Variants in SORCS1 observed in about 807,000 individuals in gnomAD.
The protein encoded by SORCS1 is VPS10 domain-containing receptor SorCS1.
In SORCS1, 60 loss-of-function variants were observed where a neutral mutation model predicts 146.1. That is an observed-to-expected ratio of 0.41 (90% CI 0.33 to 0.51). The LOEUF is 0.51. Among genes scored for constraint, SORCS1 ranks in the 20% least tolerant of loss-of-function variants. The pLI is 0.21. For synonymous variants in SORCS1, 637 were observed against 584.0 expected (o/e 1.09, Z -1.31); for missense variants, 1,352 against 1,487.6 (o/e 0.91, Z 1.50).
chr10:107,053,232 C>T (rs1302628044), intron 1 of SORCS1, among the ~76,000 whole-genome samples: 2 of 152,272 alleles, frequency 1.3e-5, no homozygotes, highest in East Asian at 3.9e-4. Flanking sequence ...ATGCATTAGT[C>T]TCTCCAAATA....
At chr10:106,726,739 C>A (rs1336619061) in intron 6 of SORCS1, among the ~76,000 whole-genome samples, 1 of 152,142 alleles carries the variant, frequency 6.6e-6, no homozygotes, top group Non-Finnish European at 1.5e-5. Flanking sequence ...CTTTGCTACT[C>A]AAAGCATGTT....
At chr10:106,612,909 G>A (rs748884321) in intron 21 of SORCS1, among the ~76,000 whole-genome samples, 16 of 152,002 alleles carry the variant, frequency 1.1e-4, no homozygotes, top group East Asian at 1.9e-4. Context: ...TGCCTAGAAC[G>A]CCCCATTCTC....
At chr10:106,747,974 T>G (rs1462776468) in intron 5 of SORCS1, among the ~76,000 whole-genome samples, 1 of 152,232 alleles carries the variant, frequency 6.6e-6, no homozygotes, top group Non-Finnish European at 1.5e-5. Flanking sequence ...TCATCTGTCC[T>G]ACATTTTTCA....
chr10:106,953,855 C>T (rs778670740), intron 2 of SORCS1, among the ~76,000 whole-genome samples: 21 of 152,126 alleles, frequency 1.4e-4, no homozygotes, highest in African/African-American at 3.1e-4. Context: ...AATGGCATTA[C>T]GCAGTGCATG....
At chr10:106,885,699 C>T (rs2137794134) in intron 2 of SORCS1, among the ~76,000 whole-genome samples, 1 of 152,168 alleles carries the variant, frequency 6.6e-6, no homozygotes, top group East Asian at 1.9e-4. Context: ...GCTGTGTCCC[C>T]CCCCAAATCT....
intron 17 of SORCS1, among the ~76,000 whole-genome samples, chr10:106,657,246 T>C (rs186212126): frequency 6.6e-6 from 1 of 152,144 alleles, no homozygotes; most frequent in African/African-American, 2.4e-5. Context: ...AAATGTGGTG[T>C]ACATACACCA....
At chr10:106,757,319 C>T (rs1399097461) in intron 5 of SORCS1, among the ~76,000 whole-genome samples, 2 of 152,030 alleles carry the variant, frequency 1.3e-5, no homozygotes, top group Non-Finnish European at 2.9e-5. Context: ...TTTGATTTAA[C>T]ACTAGAGAAA....
At chr10:107,180,974 G>T in the SORCS1 span, among the ~76,000 whole-genome samples, 2 of 152,256 alleles carry the variant, frequency 1.3e-5, no homozygotes, top group South Asian at 2.1e-4. Context: ...GTAAGTATTT[G>T]TCCATCTAAA....
intron 2 of SORCS1, among the ~76,000 whole-genome samples, chr10:106,934,100 CAAAAA>C (rs57432764): frequency 1.0e-5 from 1 of 97,516 alleles, no homozygotes; most frequent in Non-Finnish European, 2.2e-5. Context: ...TCTCAAAAAA[CAAAAA>C]AAAAAAAAAA....
At chr10:106,694,452 G>C (rs1175878401) in intron 9 of SORCS1, among the ~76,000 whole-genome samples, 2 of 152,214 alleles carry the variant, frequency 1.3e-5, no homozygotes, top group Non-Finnish European at 2.9e-5. Flanking sequence ...TCGCCATGTT[G>C]GCCAGGCTGG....
chr10:106,852,777 T>A (rs1185051586), intron 2 of SORCS1, among the ~76,000 whole-genome samples: 1 of 152,194 alleles, frequency 6.6e-6, no homozygotes, highest in Non-Finnish European at 1.5e-5. Flanking sequence ...CCTGTTGATG[T>A]GATAATTACA....
At chr10:106,660,330 A>G (rs1850630822) in intron 17 of SORCS1, among the ~76,000 whole-genome samples, 1 of 152,208 alleles carries the variant, frequency 6.6e-6, no homozygotes, top group African/African-American at 2.4e-5. Flanking sequence ...ATACATATAT[A>G]CATTGTGTAA....
chr10:106,628,784 G>A (rs1025326112), intron 19 of SORCS1, among the ~76,000 whole-genome samples: 2 of 152,090 alleles, frequency 1.3e-5, no homozygotes, highest in African/African-American at 4.8e-5. Flanking sequence ...AATCAGATGG[G>A]GAGAAATTTC....
intron 9 of SORCS1, among the ~76,000 whole-genome samples, chr10:106,693,851 C>T (rs1853488099): frequency 6.6e-6 from 1 of 152,138 alleles, no homozygotes; most frequent in Non-Finnish European, 1.5e-5. Context: ...AAGTTCCATG[C>T]AGAGGCTAAG....
At chr10:106,911,941 T>A (rs910026075) in intron 2 of SORCS1, among the ~76,000 whole-genome samples, 1 of 151,618 alleles carries the variant, frequency 6.6e-6, no homozygotes, top group Admixed American at 6.6e-5. Flanking sequence ...AGAAACCCCG[T>A]CTCTACTAAA....
intron 3 of SORCS1, among the ~76,000 whole-genome samples, chr10:106,779,724 G>A (rs1272044690): frequency 1.3e-5 from 2 of 151,946 alleles, no homozygotes; most frequent in African/African-American, 4.8e-5. Flanking sequence ...CTGACCTCAG[G>A]TGATCTGCCT....
At chr10:106,719,270 G>T (rs547832192) in intron 6 of SORCS1, among the ~76,000 whole-genome samples, 50 of 152,236 alleles carry the variant, frequency 3.3e-4, no homozygotes, top group African/African-American at 1.2e-3. Flanking sequence ...TTCTCCAGGT[G>T]TTTTATTTTT....
At chr10:106,763,009 G>C (rs143439333) in intron 4 of SORCS1, among the ~76,000 whole-genome samples, 2 of 151,772 alleles carry the variant, frequency 1.3e-5, no homozygotes, top group African/African-American at 4.8e-5. Flanking sequence ...TTTTAAGCCC[G>C]GAGCTCTACT....
At chr10:107,102,629 G>A (rs1469179505) in intron 1 of SORCS1, among the ~76,000 whole-genome samples, 1 of 152,146 alleles carries the variant, frequency 6.6e-6, no homozygotes, top group African/African-American at 2.4e-5. Context: ...AAAGAAGAAA[G>A]GAGGAAAAAG....
Sources: allele counts gnomAD v4.1 joint callset (sites outside exome capture counted in the v4.1 genomes callset), GRCh38; gene constraint gnomAD v4.1.1; transcripts MANE v1.5; gene names NCBI Gene and HGNC (gene_info 2026-07-23, HGNC 2026-07-21).